LRP1B: variants seen among roughly 807,000 people sequenced by gnomAD.
LRP1B encodes LDL receptor related protein 1B.
Under a neutral mutation model 556.6 loss-of-function variants are expected in LRP1B, and 217 were observed. The ratio of observed to expected loss-of-function variants is 0.39; its 90% confidence interval spans 0.35 to 0.44. The LOEUF is 0.44. Ranked by LOEUF, LRP1B falls within the 20% of genes least tolerant of loss-of-function variation. The pLI is 1.00. For missense variants in LRP1B, 5,053 were observed against 5,620.8 expected, an observed-to-expected ratio of 0.90 and a Z score of 3.23; for synonymous variants, 2,047 against 1,865.8, an observed-to-expected ratio of 1.10 and a Z score of -2.50.
chr2:140,424,821 C>T (rs1455123368), intron 66 of LRP1B, among the ~76,000 whole-genome samples: 1 of 152,122 alleles, frequency 6.6e-6, no homozygotes, highest in African/African-American at 2.4e-5. Context: ...TTTGTTCTTC[C>T]TGGTTGCTGC....
At chr2:141,476,941 T>C (rs7340384) in intron 3 of LRP1B, among the ~76,000 whole-genome samples, 76,154 of 151,794 alleles carry the variant, frequency 0.5, 19,439 homozygotes, top group Non-Finnish European at 0.55. Context: ...CTGACCAACA[T>C]GGAGAAACTC....
intron 33 of LRP1B, among the ~76,000 whole-genome samples, chr2:140,773,462 C>T (rs964677691): frequency 2.6e-5 from 4 of 151,862 alleles, no homozygotes; most frequent in African/African-American, 9.7e-5. Flanking sequence ...GAGTGAGACT[C>T]CATCTCAAAA....
chr2:140,444,686 G>T lies in LRP1B; in HGVS notation c.10058-7C>A, dbSNP rs1314734096. 1.3e-6 allele frequency: 2 copies of T among 1,566,878 alleles called. No individual in the cohort carries two copies. Among genetic ancestry groups the T allele is most frequent in the Admixed American group, 1.7e-5 (1 of 59,836 alleles). Reference sequence around the variant, plus strand: ...GGCTGACATCTAAATTCAGCTAGGGGAGAAAGCATAGATATTGTGGAATGG... The same window carrying T: ...GGCTGACATCTAAATTCAGCTAGGGTAGAAAGCATAGATATTGTGGAATGG... On this transcript the variant is annotated splice_polypyrimidine_tract_variant and splice_region_variant and intron_variant, in intron 63 of 90. Transcript: ENST00000389484.
At chr2:140,690,712 C>G (rs1686206561) in intron 41 of LRP1B, among the ~76,000 whole-genome samples, 1 of 152,056 alleles carries the variant, frequency 6.6e-6, no homozygotes, top group Non-Finnish European at 1.5e-5. Flanking sequence ...AATCAATGAC[C>G]ATGTAACCCT....
At chr2:141,283,055 C>T (rs1197914802) in intron 3 of LRP1B, among the ~76,000 whole-genome samples, 2 of 152,122 alleles carry the variant, frequency 1.3e-5, no homozygotes, top group Non-Finnish European at 2.9e-5. Context: ...TGGTGCCTTG[C>T]TTCCTTAACC....
chr2:140,966,803 C>T (rs1268781800), intron 18 of LRP1B, among the ~76,000 whole-genome samples: 1 of 152,116 alleles, frequency 6.6e-6, no homozygotes, highest in African/African-American at 2.4e-5. Flanking sequence ...ATATGGAATC[C>T]TTTCCCCGTT....
At chr2:140,877,346 C>A (rs1034434902) in intron 25 of LRP1B, among the ~76,000 whole-genome samples, 3 of 152,118 alleles carry the variant, frequency 2.0e-5, no homozygotes, top group African/African-American at 7.2e-5. Flanking sequence ...ACTTCACAAC[C>A]TGCTAAAAAT....
intron 2 of LRP1B, among the ~76,000 whole-genome samples, chr2:141,583,285 A>G (rs1186861848): frequency 6.6e-6 from 1 of 152,236 alleles, no homozygotes; most frequent in Non-Finnish European, 1.5e-5. Context: ...AAATAAAAAT[A>G]AAGCCTAGTA....
rs1686576637 is a variant in LRP1B at position 140,444,639 on chromosome 2, A to G, written c.10098T>C (p.Thr3366=). The part of the protein sequence containing the change: ...RCQPGRFQCG[T]GLCALPAFIC... ...TGAAAGCTGGTAGAGCACAGAGTCC[A>G]GTCCCACACTGAAATCGGCCTGGCT... is the stretch of plus-strand genomic sequence containing the variant. Residue 3366 remains threonine (T), a synonymous_variant, in exon 64 of 91, where the codon ACT becomes ACC. Coordinates refer to ENST00000389484, the MANE Select transcript of LRP1B (RefSeq NM_018557.3). 2 of 1,613,866 alleles carry G rather than the reference A, an allele frequency of 1.2e-6. No homozygotes were observed. Among genetic ancestry groups the G allele is most frequent in the Non-Finnish European group, 1.7e-6 (2 of 1,179,924 alleles).
intron 6 of LRP1B, among the ~76,000 whole-genome samples, chr2:141,228,481 G>GGT (rs1019588379): frequency 2.7e-5 from 4 of 147,966 alleles, no homozygotes; most frequent in East Asian, 2.0e-4. Flanking sequence ...TGCATCTCTG[G>GGT]GTGTGTGTGT....
At chr2:140,705,164 GATATT>G (rs1345066437) in intron 37 of LRP1B, among the ~76,000 whole-genome samples, 2 of 151,898 alleles carry the variant, frequency 1.3e-5, no homozygotes, top group African/African-American at 4.8e-5. Flanking sequence ...AATATATAAT[GATATT>G]ATATCAAATG....
chr2:141,973,279 T>C (rs1052593117), intron 1 of LRP1B, among the ~76,000 whole-genome samples: 2 of 151,704 alleles, frequency 1.3e-5, no homozygotes. Flanking sequence ...CATGGCTAAA[T>C]GAAAAATAAA....
intron 6 of LRP1B, among the ~76,000 whole-genome samples, chr2:141,207,174 G>A (rs1213798946): frequency 1.3e-5 from 2 of 152,116 alleles, no homozygotes; most frequent in Non-Finnish European, 2.9e-5. Flanking sequence ...ACAATTTTAA[G>A]AGCATGCTAT....
chr2:140,576,584 G>A (rs1681534856), intron 43 of LRP1B, among the ~76,000 whole-genome samples: 2 of 152,116 alleles, frequency 1.3e-5, no homozygotes, highest in African/African-American at 4.8e-5. Flanking sequence ...TATAATCTAA[G>A]ATCAGCTTCA....
At chr2:141,096,697 A>AATAAATAC (rs111608742) in intron 7 of LRP1B, among the ~76,000 whole-genome samples, 8,932 of 89,068 alleles carry the variant, frequency 0.1, 2,214 homozygotes, top group East Asian at 0.57. Context: ...AGAGAAAATA[A>AATAAATAC]ATAAATACAT....
At chr2:141,955,537 A>C (rs1385220057) in intron 1 of LRP1B, among the ~76,000 whole-genome samples, 1 of 152,038 alleles carries the variant, frequency 6.6e-6, no homozygotes, top group East Asian at 1.9e-4. Context: ...CTCTTGTCAC[A>C]ACCCTACGTT....
chr2:140,273,645 ATATTCT>A (rs1682555469), intron 85 of LRP1B, among the ~76,000 whole-genome samples: 1 of 151,948 alleles, frequency 6.6e-6, no homozygotes, highest in Non-Finnish European at 1.5e-5. Context: ...TTCCTGTCTC[ATATTCT>A]TATTTATTAT....
intron 7 of LRP1B, among the ~76,000 whole-genome samples, chr2:141,096,261 T>C (rs143631972): frequency 6.6e-6 from 1 of 151,934 alleles, no homozygotes; most frequent in Non-Finnish European, 1.5e-5. Flanking sequence ...AGAGTGTGCT[T>C]CTTCTTTTTC....
At chr2:141,960,107 A>G (rs1701359716) in intron 1 of LRP1B, among the ~76,000 whole-genome samples, 1 of 151,970 alleles carries the variant, frequency 6.6e-6, no homozygotes, top group Admixed American at 6.6e-5. Flanking sequence ...GTAGGGCTTC[A>G]TAAGAGAGAG....
Sources: allele counts gnomAD v4.1 joint callset (sites outside exome capture counted in the v4.1 genomes callset), GRCh38; gene constraint gnomAD v4.1.1; transcripts MANE v1.5; gene names NCBI Gene and HGNC (gene_info 2026-07-23, HGNC 2026-07-21).